LRP1B: variants seen among roughly 807,000 people sequenced by gnomAD.
LRP1B encodes the protein LDL receptor related protein 1B, also known as low-density lipoprotein receptor-related protein 1B.
Under a neutral mutation model 556.6 loss-of-function variants are expected in LRP1B, and 217 were observed. That is an observed-to-expected ratio of 0.39 (90% CI 0.35 to 0.44). LRP1B has a LOEUF of 0.44. Among genes scored for constraint, LRP1B ranks in the 20% least tolerant of loss-of-function variants. The pLI is 1.00. For missense variants in LRP1B, 5,053 were observed against 5,620.8 expected (o/e 0.90, Z 3.23); for synonymous variants, 2,047 against 1,865.8 (o/e 1.10, Z -2.50).
intron 3 of LRP1B, among the ~76,000 whole-genome samples, chr2:141,371,050 C>G (rs1259911533): frequency 1.3e-5 from 2 of 152,068 alleles, no homozygotes; most frequent in Non-Finnish European, 2.9e-5. Flanking sequence ...GTGGCGTGAT[C>G]TCGGCTCACT....
intron 63 of LRP1B, among the ~76,000 whole-genome samples, chr2:140,445,766 T>C (rs1461254264): frequency 6.6e-6 from 1 of 152,136 alleles, no homozygotes; most frequent in East Asian, 1.9e-4. Flanking sequence ...ATTTACTGAA[T>C]ATGAATAATT....
intron 1 of LRP1B, among the ~76,000 whole-genome samples, chr2:142,065,948 G>GT (rs1705092746): frequency 6.6e-6 from 1 of 151,136 alleles, no homozygotes; most frequent in African/African-American, 2.4e-5. Flanking sequence ...CCATCTGTGG[G>GT]TTCATGAAAT....
chr2:140,682,747 T>C (rs766999156), intron 41 of LRP1B, among the ~76,000 whole-genome samples: 6 of 151,452 alleles, frequency 4.0e-5, no homozygotes, highest in Non-Finnish European at 4.4e-5. Context: ...CTGAAGTATA[T>C]AGCATGTGAA....
intron 3 of LRP1B, among the ~76,000 whole-genome samples, chr2:141,447,409 T>C (rs1029396742): frequency 2.7e-4 from 41 of 152,128 alleles, no homozygotes; most frequent in African/African-American, 9.9e-4. Context: ...TGAAGCCTAC[T>C]TCTGTCAATT....
intron 20 of LRP1B, among the ~76,000 whole-genome samples, chr2:140,936,519 C>A (rs555191176): frequency 1.3e-5 from 2 of 152,058 alleles, no homozygotes; most frequent in Non-Finnish European, 2.9e-5. Flanking sequence ...TACCACTAGA[C>A]CTTCCCTGCA....
At chr2:140,254,031 T>C (rs1681567357) in intron 86 of LRP1B, among the ~76,000 whole-genome samples, 1 of 152,150 alleles carries the variant, frequency 6.6e-6, no homozygotes, top group Non-Finnish European at 1.5e-5. Context: ...CCTAAATATC[T>C]TATGTTTTAG....
At chr2:140,772,954 G>C (rs1689366998) in intron 33 of LRP1B, among the ~76,000 whole-genome samples, 1 of 151,916 alleles carries the variant, frequency 6.6e-6, no homozygotes, top group African/African-American at 2.4e-5. Context: ...ACAAAAATTA[G>C]CCAGGTGTGG....
At chr2:140,254,209 T>C (rs2104912852) in intron 86 of LRP1B, among the ~76,000 whole-genome samples, 1 of 152,306 alleles carries the variant, frequency 6.6e-6, no homozygotes, top group Middle Eastern at 3.4e-3. Flanking sequence ...TAAAGCAGTT[T>C]AATAACTGCT....
At chr2:141,114,183 G>A (rs1047804661) in intron 7 of LRP1B, among the ~76,000 whole-genome samples, 6 of 152,222 alleles carry the variant, frequency 3.9e-5, no homozygotes, top group East Asian at 1.9e-4. Context: ...AGGAGCCAGG[G>A]CAACCTCTTT....
chr2:141,455,287 A>G (rs1364480127), intron 3 of LRP1B, among the ~76,000 whole-genome samples: 1 of 151,622 alleles, frequency 6.6e-6, no homozygotes, highest in East Asian at 1.9e-4. Flanking sequence ...AACTTGTCCT[A>G]ATCAATTTAC....
At chr2:140,977,805 TA>T (rs1251212675) in intron 18 of LRP1B, among the ~76,000 whole-genome samples, 1 of 152,164 alleles carries the variant, frequency 6.6e-6, no homozygotes, top group East Asian at 1.9e-4. Flanking sequence ...ATTTCATCAT[TA>T]GGGAAGCATT....
At chr2:142,125,929 CAGGTTTCTTGA>C (rs1707632819) in intron 1 of LRP1B, among the ~76,000 whole-genome samples, 1 of 151,690 alleles carries the variant, frequency 6.6e-6, no homozygotes, top group African/African-American at 2.4e-5. Flanking sequence ...TGGGGGAAGC[CAGGTTTCTTGA>C]AGAAATTTAA....
chr2:140,441,824 A>G (rs1686438364), intron 66 of LRP1B, among the ~76,000 whole-genome samples: 1 of 152,198 alleles, frequency 6.6e-6, no homozygotes, highest in African/African-American at 2.4e-5. Flanking sequence ...ATGTTAATAA[A>G]TGCTGATCAA....
chr2:140,930,722 A>G (rs1288482552), intron 20 of LRP1B, among the ~76,000 whole-genome samples: 1 of 152,142 alleles, frequency 6.6e-6, no homozygotes, highest in Admixed American at 6.6e-5. Context: ...AAAATTAAAA[A>G]GCACTGTATA....
intron 31 of LRP1B, among the ~76,000 whole-genome samples, chr2:140,823,866 T>C (rs925438170): frequency 6.6e-6 from 1 of 152,054 alleles, no homozygotes; most frequent in Non-Finnish European, 1.5e-5. Flanking sequence ...TTCTCACTTA[T>C]AAGTGAAAGC....
At chr2:140,930,261 C>T (rs1325468522) in intron 20 of LRP1B, among the ~76,000 whole-genome samples, 8 of 151,968 alleles carry the variant, frequency 5.3e-5, no homozygotes, top group Non-Finnish European at 1.0e-4. Flanking sequence ...TTAACTAATA[C>T]AATTTTATTG....
intron 2 of LRP1B, among the ~76,000 whole-genome samples, chr2:141,501,715 T>C (rs1310386709): frequency 6.6e-6 from 1 of 152,172 alleles, no homozygotes; most frequent in African/African-American, 2.4e-5. Flanking sequence ...GATGTAGTTG[T>C]AGCAAAGATC....
intron 2 of LRP1B, among the ~76,000 whole-genome samples, chr2:141,765,749 A>G (rs1558861264): frequency 6.6e-6 from 1 of 152,200 alleles, no homozygotes; most frequent in Non-Finnish European, 1.5e-5. Flanking sequence ...CTTATAGAGC[A>G]TCTTGTCTTC....
intron 3 of LRP1B, among the ~76,000 whole-genome samples, chr2:141,458,448 A>AT (rs1301709860): frequency 2.0e-5 from 3 of 152,164 alleles, no homozygotes; most frequent in Admixed American, 1.3e-4. Flanking sequence ...GCCTAGTGTC[A>AT]TTCTCTCTAG....
Sources: gnomAD v4.1 joint callset for allele counts (sites outside exome capture counted in the v4.1 genomes callset) on GRCh38, gnomAD v4.1.1 for gene constraint, MANE v1.5 for transcripts, NCBI Gene and HGNC (gene_info 2026-07-23, HGNC 2026-07-21) for gene names.